DHX9: variants seen among roughly 807,000 people sequenced by gnomAD.
DHX9 encodes DExH-box helicase 9.
Under a neutral mutation model 148.7 loss-of-function variants are expected in DHX9, and 27 were observed. The ratio of observed to expected loss-of-function variants is 0.18; its 90% CI spans 0.13 to 0.25. The LOEUF (loss-of-function observed/expected upper bound fraction) is 0.25, where lower values mean the gene tolerates loss of function less well. DHX9 is among the 10% of genes least tolerant of loss of function. The pLI, the probability that DHX9 is intolerant of heterozygous loss-of-function variation, is 1.00. For synonymous variants in DHX9, 529 were observed against 516.6 expected, an observed-to-expected ratio of 1.02 and a Z score of -0.33; for missense variants, 796 against 1,559.6, an observed-to-expected ratio of 0.51 and a Z score of 8.25.
rs191591837 is a variant in DHX9, at chr1:182,860,198, C to T, written c.1332+14C>T. ...GTAGTAACTCAGGTAAGTGGTAAAC[C>T]AACCATGAAATACCTAGAGAGCAGA... On this transcript the variant is annotated intron_variant, in intron 12 of 27. Transcript: ENST00000367549. The T allele has an allele frequency of 6.1e-5, 95 of 1,554,936 alleles. No individual in the cohort carries two copies. The African/African-American group carries it at 1.2e-3, about 19-fold the overall frequency.
At chr1:182,849,715 A>G (rs1668096819) in intron 3 of DHX9, among the ~76,000 whole-genome samples, 1 of 152,170 alleles carries the variant, frequency 6.6e-6, no homozygotes, top group South Asian at 2.1e-4. Flanking sequence ...TTTGCTTTTT[A>G]AAATTATGAG....
At chr1:182,883,109 T>C (rs758562043) in intron 24 of DHX9, 30 bp from the exon 25 acceptor site, 7 of 1,495,498 alleles carry the variant, frequency 4.7e-6, no homozygotes, top group Non-Finnish European at 6.5e-6. Context: ...AGTTATCTGA[T>C]TTTTGTTTTC....
chr1:182,843,615 CTTA>C (rs961281060), intron 3 of DHX9, among the ~76,000 whole-genome samples, 181 bp downstream of exon 3: 3 of 152,218 alleles, frequency 2.0e-5, no homozygotes, highest in Admixed American at 6.5e-5. Flanking sequence ...GGATTGCATC[CTTA>C]TTATATACCT....
At chr1:182,860,423 C>T in intron 12 of DHX9, 1 of 279,630 alleles carries the variant, frequency 3.6e-6, no homozygotes, top group Non-Finnish European at 6.6e-6. Flanking sequence ...GTCTCTGGGC[C>T]TAGAATCAGA....
At chr1:182,877,883 C>G in intron 19 of DHX9, 138 bp from the exon 20 acceptor site, 2 of 967,028 alleles carry the variant, frequency 2.1e-6, no homozygotes, top group Non-Finnish European at 3.0e-6. Flanking sequence ...CTGATTCTTA[C>G]TTGTGCCATT....
intron 14 of DHX9, among the ~76,000 whole-genome samples, chr1:182,868,221 T>G (rs1201136118): frequency 6.6e-6 from 1 of 152,162 alleles, no homozygotes; most frequent in Admixed American, 6.5e-5. Context: ...TCCATCAGTA[T>G]GGATAAACTT....
At chr1:182,883,026 A>G (rs1649158409) in intron 24 of DHX9, 113 bp from the exon 25 acceptor site, 2 of 713,876 alleles carry the variant, frequency 2.8e-6, no homozygotes, top group Non-Finnish European at 4.9e-6. Flanking sequence ...CAGACAGGTT[A>G]TGTGAAAAGA....
chr1:182,866,935 G>A, intron 13 of DHX9, 26 bp from the exon 14 acceptor site: 1 of 1,580,886 alleles, frequency 6.3e-7, no homozygotes. Context: ...CTTTTCTATA[G>A]TTTATTGATT....
chr1:182,857,878 G>T (rs1668284555), intron 7 of DHX9, among the ~76,000 whole-genome samples: 1 of 152,130 alleles, frequency 6.6e-6, no homozygotes, highest in Admixed American at 6.5e-5. Context: ...ATTTGTATGA[G>T]TCCTAGTATC....
Position 182,880,476 on chromosome 1 carries a change from CAAAG to C in DHX9, c.2513-18_2513-15del. 1 of 1,523,992 alleles carries C rather than the reference CAAAG, an allele frequency of 6.6e-7. No individual in the cohort carries two copies. Among genetic ancestry groups the C allele is most frequent in the Non-Finnish European group, 9.1e-7 (1 of 1,102,216 alleles). 94.4% of individuals were successfully genotyped at this position (1,523,992 alleles called of 1,614,324 possible). ...ATTAGTGTTCATTTGTTTCTGCTCACAAAGAACTATCTCCCCACAGAGCTTGATG... is the reference window on the plus strand; with the variant it reads ...ATTAGTGTTCATTTGTTTCTGCTCACAACTATCTCCCCACAGAGCTTGATG... On this transcript the variant is annotated splice_polypyrimidine_tract_variant and intron_variant, in intron 21 of 27. Transcript: ENST00000367549.
chr1:182,882,806 A>G (rs1354348878), intron 24 of DHX9, among the ~76,000 whole-genome samples: 3 of 151,338 alleles, frequency 2.0e-5, no homozygotes, highest in Non-Finnish European at 2.9e-5. Flanking sequence ...CAGAGCTTGC[A>G]GTGAGCAGAG....
intron 3 of DHX9, among the ~76,000 whole-genome samples, chr1:182,851,633 TA>T (rs946049670): frequency 6.6e-6 from 1 of 152,158 alleles, no homozygotes; most frequent in African/African-American, 2.4e-5. Context: ...TTCTTCATCC[TA>T]AAACCCATGT....
chr1:182,868,729 C>G (rs914942209), intron 14 of DHX9, among the ~76,000 whole-genome samples: 2 of 152,026 alleles, frequency 1.3e-5, no homozygotes, highest in African/African-American at 4.8e-5. Context: ...GTTGGCCAGG[C>G]TGGTCTCAAA....
In DHX9 at chr1:182,884,595, T is replaced by C; in HGVS notation, c.3261-18T>C. ...CATATACTCCCTCTCTTATTTTTAA[T>C]GTATTTCGCCACTTTAGGATTAAAC... On this transcript the variant is annotated intron_variant, in intron 26 of 27. Transcript: ENST00000367549. 5.6e-6 allele frequency: 9 copies of C among 1,611,476 alleles called. No homozygotes were observed. The highest frequency in any genetic ancestry group is 7.6e-6 in the Non-Finnish European group (9 of 1,178,078).
At chr1:182,849,193 T>G (rs1394575327) in intron 3 of DHX9, among the ~76,000 whole-genome samples, 1 of 151,650 alleles carries the variant, frequency 6.6e-6, no homozygotes, top group Admixed American at 6.5e-5. Context: ...AAAGTGAGCA[T>G]GTAGAGGATA....
At position 182,856,563 on chromosome 1, in the gene DHX9, A is replaced by C; in HGVS notation, c.658A>C (p.Lys220Gln). 1 of 1,613,998 alleles carries C rather than the reference A, an allele frequency of 6.2e-7. No homozygotes were observed. The highest frequency in any genetic ancestry group is 8.5e-7 in the Non-Finnish European group (1 of 1,179,910). The part of the protein sequence containing the change: ...SFIAEMTIYI[K>Q]QLGRRIFARE... ...TATTGCAGAAATGACCATTTATATC[A>C]AGCAGCTGGGCAGAAGTAAGTGTTA... is the stretch of plus-strand genomic sequence containing the variant. Residue 220 changes from lysine to glutamine, a missense_variant, in exon 7 of 28, where the codon AAG becomes CAG. Lys to Gln is a moderately conservative substitution (Grantham distance 53, BLOSUM62 1). Transcript: ENST00000367549.
At position 182,874,933 on chromosome 1, in the gene DHX9, T is replaced by A; in HGVS notation, c.1794T>A (p.Asp598Glu). The A allele has an allele frequency of 7.4e-6, 12 of 1,613,020 alleles. No individual in the cohort carries two copies. The highest frequency in any genetic ancestry group is 9.3e-6 in the Non-Finnish European group (11 of 1,179,156). ...PKDKKKKDKD[D>E]DGGEDDDANC... Reference sequence around the variant, plus strand: ...ACAAAAAGAAGAAGGATAAGGATGATGATGGTGGTGAGGATGATGATGTAA... The same window carrying A: ...ACAAAAAGAAGAAGGATAAGGATGAAGATGGTGGTGAGGATGATGATGTAA... The change falls in exon 16 of 28, where the codon GAT becomes GAA. Residue 598 changes from aspartate to glutamate, a missense_variant. Asp to Glu is a conservative substitution (Grantham distance 45, BLOSUM62 2). Coordinates refer to ENST00000367549, the MANE Select transcript of DHX9 (RefSeq NM_001357.5).
intron 15 of DHX9, among the ~76,000 whole-genome samples, chr1:182,874,485 G>C (rs149170486): frequency 6.6e-6 from 1 of 152,186 alleles, no homozygotes. Flanking sequence ...GCCATTTTGT[G>C]TGTGCATACT....
chr1:182,881,434 A>G lies in DHX9; in HGVS notation c.2786+9A>G, dbSNP rs749469357. 6.2e-6 allele frequency: 10 copies of G among 1,612,904 alleles called. No individual in the cohort carries two copies. The highest frequency in any genetic ancestry group is 8.5e-6 in the Non-Finnish European group (10 of 1,179,522). ...GCCTGGGATGATGCTAGGTATGAGT[A>G]AGATTTGGGTGAGCTGTCTGTAGTT... On this transcript the variant is annotated intron_variant, in intron 23 of 27. Transcript: ENST00000367549.
Sources: allele counts gnomAD v4.1 joint callset (sites outside exome capture counted in the v4.1 genomes callset), GRCh38; gene constraint gnomAD v4.1.1; transcripts MANE v1.5; gene names NCBI Gene and HGNC (gene_info 2026-07-23, HGNC 2026-07-21).